The following KCNB2 variants were observed in gnomAD, a reference collection of about 807,000 sequenced individuals.
KCNB2 encodes delayed rectifier potassium channel protein.
A neutral mutation model predicts 61.5 loss-of-function variants in KCNB2; 15 were observed. The ratio of observed to expected loss-of-function variants is 0.24; its 90% CI spans 0.16 to 0.38. The LOEUF is 0.38. Among genes scored for constraint, KCNB2 ranks in the 10% least tolerant of loss-of-function variants. The probability of loss-of-function intolerance (pLI) is 1.00; values close to 1 mark genes in which losing one functional copy is unlikely to be tolerated. For missense variants in KCNB2, 828 were observed against 1,125.2 expected, an observed-to-expected ratio of 0.74 and a Z score of 3.78; for synonymous variants, 457 against 446.0, an observed-to-expected ratio of 1.02 and a Z score of -0.31.
chr8:72,937,715 G>A lies in KCNB2; in HGVS notation c.2360G>A (p.Arg787Lys), dbSNP rs1200253984. The stretch of plus-strand genomic sequence containing the variant: ...GGACCTTCCAAAGGGCTGTCCCCCA[G>A]GTTTCCCAAGCAGAAACTGTTCCCT... ...CQGPSKGLSP[R>K]FPKQKLFPFS... is the part of the protein sequence containing the mutation. The change falls in exon 3 of 3, where the codon AGG (arginine) becomes AAG (lysine). Residue 787 changes from arginine (R) to lysine (K), a missense_variant. Around this residue, in one of 4 missense-constraint regions of KCNB2, gnomAD observed 559 missense variants for 588.4 expected, o/e 0.95. Transcript: ENST00000523207. 6.2e-7 allele frequency: 1 copy of A among 1,614,052 alleles called. No individual in the cohort carries two copies. The highest frequency in any genetic ancestry group is 8.5e-7 in the Non-Finnish European group (1 of 1,180,002).
chr8:72,923,429 A>G (rs1047824876), intron 2 of KCNB2, among the ~76,000 whole-genome samples: 1 of 152,182 alleles, frequency 6.6e-6, no homozygotes, highest in Non-Finnish European at 1.5e-5. Flanking sequence ...GCTATCTGTC[A>G]TGTTGGTATC....
chr8:72,824,518 A>C (rs1809565602), intron 2 of KCNB2, among the ~76,000 whole-genome samples: 1 of 151,962 alleles, frequency 6.6e-6, no homozygotes, highest in African/African-American at 2.4e-5. Flanking sequence ...CTCTAAAACA[A>C]GCCTCTTGGG....
chr8:72,809,684 A>G (rs1403640070), intron 2 of KCNB2, among the ~76,000 whole-genome samples: 1 of 152,158 alleles, frequency 6.6e-6, no homozygotes, highest in East Asian at 1.9e-4. Flanking sequence ...GCCTCTTACT[A>G]TGGAAGCCCC....
chr8:72,633,906 T>TA (rs952759432), intron 2 of KCNB2, among the ~76,000 whole-genome samples: 8 of 150,936 alleles, frequency 5.3e-5, no homozygotes, highest in African/African-American at 1.2e-4. Context: ...GCTGCAGCCA[T>TA]AAAAAAAAAG....
At chr8:72,662,436 T>C (rs1806396836) in intron 2 of KCNB2, among the ~76,000 whole-genome samples, 1 of 152,102 alleles carries the variant, frequency 6.6e-6, no homozygotes, top group African/African-American at 2.4e-5. Context: ...ACCTAGGTAA[T>C]GATAATATCG....
intron 2 of KCNB2, among the ~76,000 whole-genome samples, chr8:72,624,924 T>C (rs1805766158): frequency 6.6e-6 from 1 of 152,208 alleles, no homozygotes; most frequent in African/African-American, 2.4e-5. Flanking sequence ...GGGTGGCCTC[T>C]TAGAGCTGAG....
rs1806944779 is a variant in KCNB2, at chr8:72,583,587, C to CT, written c.579+15280dup. ...TGTAGCCTCTTAGCAGGGCTTTTGC[C>CT]TTTTTTCCCTGAAAGATCATGGGAA... On this transcript the variant is annotated intron_variant, in intron 2 of 2. Coordinates refer to ENST00000523207, the MANE Select transcript of KCNB2 (RefSeq NM_004770.3). 4.6e-5 allele frequency among the ~76,000 whole-genome samples: 7 copies of CT among 152,218 alleles called. No individual in the cohort carries two copies. The South Asian group carries it at 1.5e-3, about 32-fold the overall frequency.
In KCNB2 at chr8:72,937,832, A is replaced by C. The variant is rs202152751; in HGVS notation, c.2477A>C (p.Gln826Pro). Residue 826 changes from glutamine to proline, a missense_variant, in exon 3 of 3, where the codon CAG becomes CCG. Physicochemically the swap from Gln to Pro is moderately conservative, Grantham distance 76 (BLOSUM62 -1). Transcript: ENST00000523207. ...CTCCCAGGGGCAAGGGAGGAGAAGC[A>C]GGTGGACTCCAGCCCAAATTGCTTT... ...LELPGAREEK[Q>P]VDSSPNCFAD... is the part of the protein sequence containing the mutation. The C allele has an allele frequency of 1.2e-6, 2 of 1,614,084 alleles. No homozygotes were observed. The highest frequency in any genetic ancestry group is 2.7e-5 in the African/African-American group (2 of 75,058).
chr8:72,546,741 C>T (rs868189597), intron 1 of KCNB2, among the ~76,000 whole-genome samples: 1 of 152,132 alleles, frequency 6.6e-6, no homozygotes, highest in African/African-American at 2.4e-5. Context: ...ATGGGATCCT[C>T]CCCCTTCAGC....
At chr8:72,828,984 C>A (rs906065065) in intron 2 of KCNB2, among the ~76,000 whole-genome samples, 1 of 152,142 alleles carries the variant, frequency 6.6e-6, no homozygotes, top group African/African-American at 2.4e-5. Flanking sequence ...CGTTAGGCTT[C>A]TCTGTTGGGC....
chr8:72,759,351 T>C (rs1466610173), intron 2 of KCNB2, among the ~76,000 whole-genome samples: 1 of 152,210 alleles, frequency 6.6e-6, no homozygotes, highest in Non-Finnish European at 1.5e-5. Flanking sequence ...AATATCTTAA[T>C]GGGAATTTAT....
chr8:72,709,400 G>A (rs1052988918), intron 2 of KCNB2, among the ~76,000 whole-genome samples: 2 of 151,922 alleles, frequency 1.3e-5, no homozygotes, highest in African/African-American at 4.8e-5. Context: ...CTGAGACTGG[G>A]TAATTTATGA....
intron 2 of KCNB2, among the ~76,000 whole-genome samples, chr8:72,778,037 G>C (rs1289478620): frequency 6.6e-6 from 1 of 152,156 alleles, no homozygotes; most frequent in Non-Finnish European, 1.5e-5. Context: ...TAGAGGTGCT[G>C]CTGTTTCCAT....
intron 2 of KCNB2, among the ~76,000 whole-genome samples, chr8:72,725,585 ATGTATG>A (rs1188859263): frequency 0.019 from 1,303 of 67,644 alleles, 30 homozygotes; most frequent in East Asian, 0.069. Context: ...GTATATATAT[ATGTATG>A]TATATATATA....
intron 1 of KCNB2, among the ~76,000 whole-genome samples, chr8:72,559,754 C>A (rs1345972272): frequency 2.6e-5 from 4 of 152,082 alleles, no homozygotes; most frequent in Non-Finnish European, 5.9e-5. Flanking sequence ...AGTATTTTGA[C>A]ATGGGGATAG....
chr8:72,651,369 T>A (rs1806208590), intron 2 of KCNB2, among the ~76,000 whole-genome samples: 2 of 152,304 alleles, frequency 1.3e-5, no homozygotes, highest in East Asian at 3.9e-4. Flanking sequence ...GTCTTGGGAA[T>A]TCTTTCAAAA....
At chr8:72,929,168 G>A (rs1268636408) in intron 2 of KCNB2, among the ~76,000 whole-genome samples, 1 of 152,178 alleles carries the variant, frequency 6.6e-6, no homozygotes, top group African/African-American at 2.4e-5. Flanking sequence ...CATGCAGCAA[G>A]CGGAGGTAGA....
At chr8:72,836,797 G>A (rs1028343304) in intron 2 of KCNB2, among the ~76,000 whole-genome samples, 1 of 152,130 alleles carries the variant, frequency 6.6e-6, no homozygotes, top group Non-Finnish European at 1.5e-5. Flanking sequence ...TGTAGTCCCA[G>A]CTACTTAGGG....
chr8:72,561,440 C>A (rs915256544), intron 1 of KCNB2, among the ~76,000 whole-genome samples: 4 of 150,698 alleles, frequency 2.7e-5, no homozygotes, highest in Non-Finnish European at 5.9e-5. Context: ...TTTTTTTAAA[C>A]TAAGGAGTAT....
Sources: allele counts gnomAD v4.1 joint callset (sites outside exome capture counted in the v4.1 genomes callset), GRCh38; gene constraint gnomAD v4.1.1; regional missense constraint gnomAD v4.1.1; transcripts MANE v1.5; gene names NCBI Gene and HGNC (gene_info 2026-07-23, HGNC 2026-07-21).